PWWP2A: variants seen among roughly 807,000 people sequenced by gnomAD.
PWWP2A encodes the protein PWWP domain-containing protein 2A.
PWWP2A carries 18 observed loss-of-function variants against 48.5 expected under a neutral mutation model. The ratio of observed to expected loss-of-function variants is 0.37; its 90% CI spans 0.26 to 0.55. The LOEUF is 0.55. Among genes scored for constraint, PWWP2A ranks in the 20% least tolerant of loss-of-function variants. The pLI is 0.81. For synonymous variants in PWWP2A, 396 were observed against 387.7 expected, an observed-to-expected ratio of 1.02 and a Z score of -0.25; for missense variants, 867 against 976.4, an observed-to-expected ratio of 0.89 and a Z score of 1.49.
intron 1 of PWWP2A, among the ~76,000 whole-genome samples, chr5:160,101,973 G>A (rs112207798): frequency 0.011 from 1,654 of 151,624 alleles, 29 homozygotes; most frequent in African/African-American, 0.038. Context: ...AGCCGGGCGT[G>A]GTGGCATGCG....
chr5:160,110,435 G>A (rs1056082638), intron 1 of PWWP2A, among the ~76,000 whole-genome samples: 17 of 152,160 alleles, frequency 1.1e-4, no homozygotes, highest in South Asian at 4.1e-4. Flanking sequence ...GGCCGGACGT[G>A]GTGGCTCAAG....
At chr5:160,047,979 G>A in the PWWP2A span, among the ~76,000 whole-genome samples, 1 of 152,082 alleles carries the variant, frequency 6.6e-6, no homozygotes, top group African/African-American at 2.4e-5. Flanking sequence ...AACAAGGACT[G>A]TGTCTGTCTT....
downstream of PWWP2A, among the ~76,000 whole-genome samples, chr5:160,074,336 G>A (rs1753815584): frequency 6.6e-6 from 1 of 151,858 alleles, no homozygotes; most frequent in South Asian, 2.1e-4. Flanking sequence ...TATTCGGGAG[G>A]CTGAGGCAGG....
chr5:160,090,301 GATC>G, downstream of PWWP2A: 2 of 984,928 alleles, frequency 2.0e-6, no homozygotes, highest in Non-Finnish European at 2.4e-6. Flanking sequence ...AACTCACCCA[GATC>G]ATTACACAAA....
chr5:160,066,209 A>G (rs1401919811), intron 4 of PWWP2A, among the ~76,000 whole-genome samples: 1 of 150,000 alleles, frequency 6.7e-6, no homozygotes, highest in Admixed American at 6.7e-5. Flanking sequence ...CACAAGTTGT[A>G]TGGAAACCGT....
chr5:160,064,353 T>C (rs1753534705), intron 4 of PWWP2A, among the ~76,000 whole-genome samples: 1 of 152,196 alleles, frequency 6.6e-6, no homozygotes, highest in Non-Finnish European at 1.5e-5. Context: ...GAGGTTGCTG[T>C]GCAAATCAAG....
chr5:160,100,169 C>T (rs1223069987), intron 1 of PWWP2A, among the ~76,000 whole-genome samples: 1 of 151,760 alleles, frequency 6.6e-6, no homozygotes, highest in Non-Finnish European at 1.5e-5. Flanking sequence ...GGCATGGTGG[C>T]GCACACCTAT....
chr5:160,089,626 G>A (rs888345060), downstream of PWWP2A: 3 of 1,287,966 alleles, frequency 2.3e-6, no homozygotes, highest in African/African-American at 1.5e-5. Flanking sequence ...AAGTAAAAAG[G>A]GAAAAATACT....
At chr5:160,105,752 G>A (rs537347713) in intron 1 of PWWP2A, 2 of 340,302 alleles carry the variant, frequency 5.9e-6, no homozygotes, top group Non-Finnish European at 8.2e-6. Flanking sequence ...TCCAGACTGG[G>A]TGACAGAATG....
At chr5:160,114,768 T>G (rs1228906140) in intron 1 of PWWP2A, among the ~76,000 whole-genome samples, 1 of 129,052 alleles carries the variant, frequency 7.7e-6, no homozygotes, top group African/African-American at 3.0e-5. Context: ...GTCTCAAGGG[T>G]AAAAAAAAAA....
At chr5:160,105,632 C>A (rs771650484) in intron 1 of PWWP2A, 274 of 949,156 alleles carry the variant, frequency 2.9e-4, no homozygotes, top group Non-Finnish European at 3.3e-4. Flanking sequence ...AACTTACCTA[C>A]TAAAAGACTA....
chr5:160,064,260 C>T (rs1423954315), intron 4 of PWWP2A, among the ~76,000 whole-genome samples: 3 of 152,182 alleles, frequency 2.0e-5, no homozygotes, highest in African/African-American at 4.8e-5. Context: ...TGAGCCACCA[C>T]GCCCATCCTA....
downstream of PWWP2A, among the ~76,000 whole-genome samples, chr5:160,089,293 G>A (rs538901735): frequency 3.2e-4 from 48 of 152,240 alleles, no homozygotes; most frequent in African/African-American, 1.1e-3. Context: ...CTGACCTCAA[G>A]CCATCTTAGC....
Position 160,092,269 on chromosome 5 carries a change from T to A in PWWP2A, c.*113A>T. On this transcript the variant is annotated 3_prime_UTR_variant, in exon 2 of 2. Transcript: ENST00000307063. ...GGTAAGTATTAAAAAGCCAGCCAAC[T>A]GAGTGCAACTTCTCTCTCCAATCTG... 7.0e-7 allele frequency: 1 copy of A among 1,429,116 alleles called. No homozygotes were observed. The highest frequency in any genetic ancestry group is 9.2e-7 in the Non-Finnish European group (1 of 1,090,980). The allele number at this position is 1,429,116 out of a possible 1,614,324, so 88.5% of individuals were successfully genotyped here.
intron 1 of PWWP2A, among the ~76,000 whole-genome samples, chr5:160,103,488 C>T (rs879437327): frequency 1.3e-5 from 2 of 152,110 alleles, no homozygotes; most frequent in Admixed American, 1.3e-4. Context: ...TAGGACACAG[C>T]TTCAGTAGGT....
At chr5:160,111,150 G>C (rs1467775264) in intron 1 of PWWP2A, among the ~76,000 whole-genome samples, 2 of 151,980 alleles carry the variant, frequency 1.3e-5, no homozygotes, top group Non-Finnish European at 2.9e-5. Flanking sequence ...AACATAGCGA[G>C]ACCCAGTTTC....
At chr5:160,090,980 A>C (rs1399509235), downstream of PWWP2A, 73 of 985,240 alleles carry the variant, frequency 7.4e-5, no homozygotes, top group Non-Finnish European at 8.1e-5. Context: ...GCAGTGATAC[A>C]TGAGGCAGAA....
intron 1 of PWWP2A, chr5:160,113,115 GC>G (rs1757763029): frequency 2.0e-6 from 1 of 495,166 alleles, no homozygotes; most frequent in Non-Finnish European, 2.6e-6. Flanking sequence ...CCGAAGTCCC[GC>G]CACTGCACTC....
At chr5:160,056,466 G>A in the PWWP2A span, among the ~76,000 whole-genome samples, 1,087 of 152,282 alleles carry the variant, frequency 7.1e-3, 22 homozygotes, top group African/African-American at 0.025. Context: ...ACATTGGGAG[G>A]CCTATGTAAG....
Sources: gnomAD v4.1 joint callset for allele counts (sites outside exome capture counted in the v4.1 genomes callset) on GRCh38, gnomAD v4.1.1 for gene constraint, MANE v1.5 for transcripts, NCBI Gene and HGNC (gene_info 2026-07-23, HGNC 2026-07-21) for gene names.